Variants in MTFR1 observed in about 807,000 individuals in gnomAD.
The protein encoded by MTFR1 is chondrocyte protein with a poly-proline region.
Under a neutral mutation model 38.8 loss-of-function variants are expected in MTFR1, and 28 were observed. The ratio of observed to expected loss-of-function variants is 0.72; its 90% CI spans 0.53 to 0.99. The LOEUF (loss-of-function observed/expected upper bound fraction) is 0.99, where lower values mean the gene tolerates loss of function less well. Ranked by LOEUF, MTFR1 falls within the 50% of genes least tolerant of loss-of-function variation. MTFR1 has a pLI of 0.00. For missense variants in MTFR1, 358 were observed against 395.5 expected (o/e 0.91, Z 0.81); for synonymous variants, 145 against 137.0 (o/e 1.06, Z -0.41).
intron 1 of MTFR1, among the ~76,000 whole-genome samples, chr8:65,659,998 A>G (rs898699229): frequency 5.9e-5 from 9 of 152,154 alleles, no homozygotes; most frequent in Non-Finnish European, 2.9e-5. Flanking sequence ...ATTTAAAAAA[A>G]CCATCTGTGG....
chr8:65,761,496 C>T (rs1204586375), intron 3 of MTFR1, among the ~76,000 whole-genome samples: 2 of 152,196 alleles, frequency 1.3e-5, no homozygotes, highest in Non-Finnish European at 2.9e-5. Context: ...TATTTTAAGT[C>T]CCAGGCTTGT....
chr8:65,757,528 T>C (rs1461694767), intron 3 of MTFR1, among the ~76,000 whole-genome samples: 3 of 152,344 alleles, frequency 2.0e-5, no homozygotes, highest in Admixed American at 1.3e-4. Flanking sequence ...TTGGCAAACA[T>C]ACAGTGTTAT....
chr8:65,698,142 A>T (rs113534014), intron 4 of MTFR1, among the ~76,000 whole-genome samples: 2,125 of 121,324 alleles, frequency 0.018, 63 homozygotes, highest in African/African-American at 0.06. Flanking sequence ...TGAGTCCATG[A>T]TTTTTTTTTT....
intron 3 of MTFR1, among the ~76,000 whole-genome samples, chr8:65,755,032 T>C (rs1178610417): frequency 6.6e-6 from 1 of 151,092 alleles, no homozygotes; most frequent in Admixed American, 6.6e-5. Flanking sequence ...TTATTTTTTT[T>C]TTTTTTGAGA....
At chr8:65,759,015 A>G (rs1162333890) in intron 3 of MTFR1, among the ~76,000 whole-genome samples, 1 of 152,130 alleles carries the variant, frequency 6.6e-6, no homozygotes, top group Non-Finnish European at 1.5e-5. Flanking sequence ...GGCAAAAGGA[A>G]CATGTCTTGA....
rs145472308 is a variant in MTFR1, at chr8:65,650,135, A to C, written c.-81+5351A>C. Among the ~76,000 whole-genome samples, 176 of 151,334 alleles carry C rather than the reference A, an allele frequency of 1.2e-3. 3 individuals carry two copies. The East Asian group carries it at 0.031, about 26-fold the overall frequency. On this transcript the variant is annotated intron_variant, in intron 1 of 7. Coordinates refer to ENST00000262146, the MANE Select transcript of MTFR1 (RefSeq NM_014637.4). ...ATTACAGCTGTGAGCCACCATGCCC[A>C]GCCTAATTTTTGTATTTTTAGTAGA...
chr8:65,684,537 C>T (rs1364057481), intron 3 of MTFR1, among the ~76,000 whole-genome samples: 1 of 151,782 alleles, frequency 6.6e-6, no homozygotes, highest in African/African-American at 2.4e-5. Flanking sequence ...AGGCATGTGC[C>T]ACCAAGCCTG....
intron 3 of MTFR1, among the ~76,000 whole-genome samples, chr8:65,729,342 C>T (rs1448446277): frequency 6.9e-6 from 1 of 145,312 alleles, no homozygotes; most frequent in East Asian, 2.0e-4. Context: ...ATGGTTATCA[C>T]AGTGAGTTTC....
At chr8:65,695,011 CAT>C (rs956321651) in intron 4 of MTFR1, among the ~76,000 whole-genome samples, 3 of 152,124 alleles carry the variant, frequency 2.0e-5, no homozygotes, top group Non-Finnish European at 2.9e-5. Context: ...CTCTAAGAAA[CAT>C]AGAAAAGTTC....
downstream of MTFR1, among the ~76,000 whole-genome samples, chr8:65,713,302 G>C (rs773454227): frequency 6.6e-6 from 1 of 151,982 alleles, no homozygotes; most frequent in Non-Finnish European, 1.5e-5. Flanking sequence ...TTAGCCAGGC[G>C]TGGTGGTGCA....
At chr8:65,768,931 T>A (rs937124312) in intron 3 of MTFR1, among the ~76,000 whole-genome samples, 3 of 152,160 alleles carry the variant, frequency 2.0e-5, no homozygotes, top group Admixed American at 6.6e-5. Context: ...ATTTTTTTAT[T>A]CTGGCATGAA....
intron 2 of MTFR1, among the ~76,000 whole-genome samples, chr8:65,676,230 A>C (rs74616255): frequency 0.052 from 7,869 of 152,328 alleles, 309 homozygotes; most frequent in Middle Eastern, 0.14. Context: ...AACTTTTTAA[A>C]GATCTGATTA....
intron 2 of MTFR1, among the ~76,000 whole-genome samples, chr8:65,673,550 C>A (rs1804626221): frequency 1.3e-5 from 2 of 151,530 alleles, no homozygotes; most frequent in African/African-American, 2.4e-5. Flanking sequence ...CACATGTATA[C>A]CTATTTAACA....
At chr8:65,740,468 T>C (rs886239377) in intron 3 of MTFR1, among the ~76,000 whole-genome samples, 1 of 152,108 alleles carries the variant, frequency 6.6e-6, no homozygotes, top group Non-Finnish European at 1.5e-5. Flanking sequence ...TGGTGCGATC[T>C]TGGCTCACTG....
intron 2 of MTFR1, among the ~76,000 whole-genome samples, chr8:65,680,133 T>G (rs1053443466): frequency 9.9e-5 from 15 of 150,930 alleles, no homozygotes; most frequent in Non-Finnish European, 1.6e-4. Context: ...TATATATCCT[T>G]CTATGATTTC....
At chr8:65,698,942 TG>T (rs1389667701) in intron 4 of MTFR1, among the ~76,000 whole-genome samples, 5 of 152,164 alleles carry the variant, frequency 3.3e-5, no homozygotes, top group African/African-American at 1.2e-4. Flanking sequence ...TTGGTCAGGC[TG>T]GTCTCGAACT....
intron 3 of MTFR1, among the ~76,000 whole-genome samples, chr8:65,691,534 C>A (rs1353544949): frequency 7.2e-5 from 11 of 152,188 alleles, no homozygotes; most frequent in Non-Finnish European, 1.5e-5. Context: ...CTCAAGCCAT[C>A]CGCCATCTTG....
At chr8:65,705,559 T>C (rs1805759857) in intron 5 of MTFR1, among the ~76,000 whole-genome samples, 1 of 152,194 alleles carries the variant, frequency 6.6e-6, no homozygotes, top group South Asian at 2.1e-4. Context: ...ACCAACCATA[T>C]CAGACATGAG....
At chr8:65,730,007 T>G (rs1317535267) in intron 3 of MTFR1, among the ~76,000 whole-genome samples, 1 of 151,490 alleles carries the variant, frequency 6.6e-6, no homozygotes, top group African/African-American at 2.4e-5. Flanking sequence ...CCGGTACTGG[T>G]CCATGGCCTG....
Sources: allele counts gnomAD v4.1 joint callset (sites outside exome capture counted in the v4.1 genomes callset), GRCh38; gene constraint gnomAD v4.1.1; transcripts MANE v1.5; gene names NCBI Gene and HGNC (gene_info 2026-07-23, HGNC 2026-07-21).